Variants in TRIO observed in about 807,000 individuals in gnomAD.
The protein encoded by TRIO is triple functional domain protein.
TRIO carries 58 observed loss-of-function variants against 351.9 expected under a neutral mutation model. The observed-to-expected ratio is 0.16, with a 90% CI of 0.13 to 0.21. TRIO has a LOEUF of 0.21. Among genes scored for constraint, TRIO ranks in the 10% least tolerant of loss-of-function variants. The pLI is 1.00. For synonymous variants in TRIO, 1,758 were observed against 1,595.7 expected, an observed-to-expected ratio of 1.10 and a Z score of -2.42; for missense variants, 3,201 against 4,027.8, an observed-to-expected ratio of 0.79 and a Z score of 5.56.
chr5:14,191,534 TAAAA>T (rs35519870), intron 1 of TRIO, among the ~76,000 whole-genome samples: 3 of 135,222 alleles, frequency 2.2e-5, no homozygotes, highest in Non-Finnish European at 1.6e-5. Flanking sequence ...CCTGTTTCTT[TAAAA>T]AAAAAAAAAA....
intron 1 of TRIO, among the ~76,000 whole-genome samples, chr5:14,160,547 G>A (rs543844868): frequency 1.3e-5 from 2 of 152,326 alleles, no homozygotes; most frequent in East Asian, 1.9e-4. Context: ...AAAGAGGCAA[G>A]ATGATTAGGC....
At chr5:14,445,706 T>C (rs917790680) in intron 34 of TRIO, among the ~76,000 whole-genome samples, 1 of 152,200 alleles carries the variant, frequency 6.6e-6, no homozygotes, top group East Asian at 1.9e-4. Flanking sequence ...CAAAATATAT[T>C]AGCCCTAAGG....
At chr5:14,214,817 A>C (rs1792123014) in intron 1 of TRIO, among the ~76,000 whole-genome samples, 1 of 152,208 alleles carries the variant, frequency 6.6e-6, no homozygotes, top group Non-Finnish European at 1.5e-5. Context: ...TTTATTTCTG[A>C]CAAAGGTGAA....
chr5:14,417,808 T>C (rs1239953666), intron 33 of TRIO, among the ~76,000 whole-genome samples: 1 of 152,248 alleles, frequency 6.6e-6, no homozygotes, highest in Non-Finnish European at 1.5e-5. Flanking sequence ...CCTTCATTTT[T>C]AGAGCATATG....
intron 11 of TRIO, among the ~76,000 whole-genome samples, chr5:14,348,638 G>A (rs1561372512): frequency 6.6e-6 from 1 of 152,210 alleles, no homozygotes; most frequent in Non-Finnish European, 1.5e-5. Flanking sequence ...ACACAAACAT[G>A]CATGTGAACC....
At chr5:14,274,311 G>A (rs1234582098) in intron 2 of TRIO, among the ~76,000 whole-genome samples, 1 of 151,396 alleles carries the variant, frequency 6.6e-6, no homozygotes, top group South Asian at 2.1e-4. Context: ...ATCACTGGGT[G>A]GTTTAACATG....
intron 19 of TRIO, among the ~76,000 whole-genome samples, chr5:14,375,248 G>A (rs1745453819): frequency 6.6e-6 from 1 of 152,198 alleles, no homozygotes. Context: ...GCATGAATAA[G>A]TCTTCTGGGC....
intron 1 of TRIO, among the ~76,000 whole-genome samples, chr5:14,233,971 ATGTG>A (rs949643128): frequency 6.6e-6 from 1 of 151,776 alleles, no homozygotes; most frequent in East Asian, 1.9e-4. Flanking sequence ...AAATTTTTGT[ATGTG>A]TGTGTGGAGA....
rs549372364 is a variant in TRIO at position 14,308,473 on chromosome 5, A to G, written c.1500+3881A>G. On this transcript the variant is annotated intron_variant, in intron 8 of 56. Transcript: ENST00000344204. ...CCAATCCCCATCCATTATTCCATCCAACCAATTACCCAGCCACCCATCCGT... is the reference window on the plus strand; with the variant it reads ...CCAATCCCCATCCATTATTCCATCCGACCAATTACCCAGCCACCCATCCGT... Among the ~76,000 whole-genome samples, 9 of 149,588 alleles carry G rather than the reference A, an allele frequency of 6.0e-5. No individual in the cohort carries two copies. In the East Asian group the frequency reaches 1.8e-3, roughly 29 times the overall value.
At chr5:14,309,043 A>C (rs1326689997) in intron 8 of TRIO, among the ~76,000 whole-genome samples, 4 of 151,712 alleles carry the variant, frequency 2.6e-5, no homozygotes, top group Non-Finnish European at 5.9e-5. Flanking sequence ...TCAGCCACTC[A>C]TTCATTTATC....
intron 3 of TRIO, among the ~76,000 whole-genome samples, chr5:14,283,605 T>C (rs1384559211): frequency 1.3e-5 from 2 of 152,208 alleles, no homozygotes; most frequent in African/African-American, 4.8e-5. Flanking sequence ...TCAATTACTT[T>C]CCTTTTGACA....
chr5:14,283,992 C>T (rs1478869285), intron 3 of TRIO, among the ~76,000 whole-genome samples: 1 of 151,930 alleles, frequency 6.6e-6, no homozygotes, highest in African/African-American at 2.4e-5. Context: ...AACATTCTGC[C>T]TTCTTTAGAA....
intron 2 of TRIO, among the ~76,000 whole-genome samples, chr5:14,274,486 C>T (rs1356100083): frequency 6.6e-6 from 1 of 151,882 alleles, no homozygotes; most frequent in Non-Finnish European, 1.5e-5. Flanking sequence ...TTATGGTGTT[C>T]ATTGATGATT....
chr5:14,440,075 A>G (rs1025802397), intron 34 of TRIO, among the ~76,000 whole-genome samples: 1 of 152,218 alleles, frequency 6.6e-6, no homozygotes, highest in Non-Finnish European at 1.5e-5. Flanking sequence ...AAAAGGCAAC[A>G]TTCTTCTTAG....
chr5:14,335,451 GCGT>G, intron 10 of TRIO, among the ~76,000 whole-genome samples: 1 of 152,234 alleles, frequency 6.6e-6, no homozygotes, highest in Middle Eastern at 3.4e-3. Context: ...GCATCCCCCA[GCGT>G]CTCCCGGGGC....
chr5:14,293,357 GA>G (rs1490878144), intron 6 of TRIO, among the ~76,000 whole-genome samples: 1 of 152,206 alleles, frequency 6.6e-6, no homozygotes, highest in Non-Finnish European at 1.5e-5. Flanking sequence ...ACGAACCAGT[GA>G]AACTTGAACC....
intron 10 of TRIO, among the ~76,000 whole-genome samples, chr5:14,335,049 G>A (rs1256562422): frequency 6.6e-6 from 1 of 151,920 alleles, no homozygotes; most frequent in Admixed American, 6.5e-5. Flanking sequence ...GTGTACACAT[G>A]CGCATTCACA....
At chr5:14,349,771 A>G (rs569963843) in intron 11 of TRIO, among the ~76,000 whole-genome samples, 11 of 152,348 alleles carry the variant, frequency 7.2e-5, no homozygotes, top group African/African-American at 2.4e-4. Context: ...CAGGCTTGTT[A>G]TATAGATAAA....
intron 1 of TRIO, among the ~76,000 whole-genome samples, chr5:14,251,344 T>G (rs887310832): frequency 2.6e-5 from 4 of 152,210 alleles, no homozygotes; most frequent in Non-Finnish European, 5.9e-5. Context: ...CCTACTGATT[T>G]TGATCAGCAC....
Sources: allele counts gnomAD v4.1 joint callset (sites outside exome capture counted in the v4.1 genomes callset), GRCh38; gene constraint gnomAD v4.1.1; transcripts MANE v1.5; gene names NCBI Gene and HGNC (gene_info 2026-07-23, HGNC 2026-07-21).